Variants in XKR8 observed in about 807,000 individuals in gnomAD.
The protein encoded by XKR8 is XK related 8.
XKR8 carries 10 observed loss-of-function variants against 17.1 expected under a neutral mutation model. The observed-to-expected ratio is 0.59, with a 90% CI of 0.36 to 0.99. The LOEUF is 0.99. Among genes scored for constraint, XKR8 ranks in the 50% least tolerant of loss-of-function variants. The pLI, the probability that XKR8 is intolerant of heterozygous loss-of-function variation, is 0.01. For missense variants in XKR8, 411 were observed against 515.6 expected, an observed-to-expected ratio of 0.80 and a Z score of 1.96; for synonymous variants, 213 against 251.9, an observed-to-expected ratio of 0.85 and a Z score of 1.46.
At chr1:27,961,206 T>A (rs559984175) in intron 1 of XKR8, among the ~76,000 whole-genome samples, 1 of 152,332 alleles carries the variant, frequency 6.6e-6, no homozygotes, top group South Asian at 2.1e-4. Context: ...CAGCCAGGGC[T>A]GGGCATAGGC....
In XKR8 at chr1:27,966,449, G is replaced by T; in HGVS notation, c.491-54G>T. ...CCCCCACGGTACCTGTGACCGCTGG[G>T]GAGTGCCAAGCAGGCTGGCCCCAGG... On this transcript the variant is annotated intron_variant, in intron 2 of 2. Coordinates refer to ENST00000373884, the MANE Select transcript of XKR8 (RefSeq NM_018053.4). This position sits in a 1 kb window ranked among gnomAD's most constrained non-coding sequence, Gnocchi z 4.3. 1 of 1,545,664 alleles carries T rather than the reference G, an allele frequency of 6.5e-7. No individual in the cohort carries two copies. Among genetic ancestry groups the T allele is most frequent in the Non-Finnish European group, 8.8e-7 (1 of 1,136,704 alleles).
chr1:27,961,141 C>G (rs1322747060), intron 1 of XKR8, among the ~76,000 whole-genome samples: 1 of 152,242 alleles, frequency 6.6e-6, no homozygotes, highest in Non-Finnish European at 1.5e-5. Context: ...GGCTTCCCAC[C>G]CCAGACCCAG....
chr1:27,967,135 A>G lies in XKR8; in HGVS notation c.1123A>G (p.Thr375Ala). Reference sequence around the variant, plus strand: ...TCAGCTGCCTCAGAACAGGCGCATGACCCATTTAGCACAGAAGTTTTTCCC... The same window carrying G: ...TCAGCTGCCTCAGAACAGGCGCATGGCCCATTTAGCACAGAAGTTTTTCCC... ...GYQLPQNRRM[T>A]HLAQKFFPKA... Residue 375 changes from threonine to alanine, a missense_variant, in exon 3 of 3, where the codon ACC (threonine) becomes GCC (alanine). Physicochemically the swap from Thr to Ala is moderately conservative, Grantham distance 58. Transcript: ENST00000373884. The surrounding 1 kb of genome is among the most constrained non-coding windows in gnomAD (Gnocchi z 4.3). 6.2e-7 allele frequency: 1 copy of G among 1,605,922 alleles called. No homozygotes were observed.
chr1:27,961,566 A>C (rs1243023651), intron 1 of XKR8, among the ~76,000 whole-genome samples: 4 of 152,138 alleles, frequency 2.6e-5, no homozygotes, highest in Non-Finnish European at 4.4e-5. Flanking sequence ...TGAATCTGTA[A>C]CTACCTTATG....
intron 1 of XKR8, among the ~76,000 whole-genome samples, chr1:27,962,191 A>T (rs1638481067): frequency 6.6e-6 from 1 of 152,252 alleles, no homozygotes; most frequent in South Asian, 2.1e-4. Context: ...AGGCAACTTT[A>T]TAGCATGCCT....
In XKR8 at chr1:27,966,889, CTGAG is replaced by C. The variant is rs1557507537; in HGVS notation, c.881_884del (p.Ser294ThrfsTer10). 1 of 1,614,242 alleles carries C rather than the reference CTGAG, an allele frequency of 6.2e-7. No homozygotes were observed. The highest frequency in any genetic ancestry group is 2.2e-5 in the East Asian group (1 of 44,886). ...GGCCATCATCCACTTCGCCTTCCTCCTGAGTGACAGCATTCTCCTGGTGGCCACC... is the reference window on the plus strand; with the variant it reads ...GGCCATCATCCACTTCGCCTTCCTCCTGACAGCATTCTCCTGGTGGCCACC... On this transcript the variant is annotated frameshift_variant, in exon 3 of 3. Transcript: ENST00000373884. LOFTEE classifies it low-confidence loss of function (END_TRUNC). The surrounding 1 kb of genome is among the most constrained non-coding windows in gnomAD (Gnocchi z 4.3).
At position 27,960,489 on chromosome 1, in the gene XKR8, G is replaced by C. The variant is rs376811656; in HGVS notation, c.293+127G>C. On this transcript the variant is annotated intron_variant, in intron 1 of 2. Coordinates refer to ENST00000373884, the MANE Select transcript of XKR8 (RefSeq NM_018053.4). This position sits in a 1 kb window ranked among gnomAD's most constrained non-coding sequence, Gnocchi z 5.9. ...GGAGAGGGAACCAAGTCCTGTGGGC[G>C]CCTGGCCTACAGGTGAGCGTGCAGC... The C allele has an allele frequency of 8.1e-6, 8 of 982,060 alleles. No individual in the cohort carries two copies. The highest frequency in any genetic ancestry group is 1.7e-5 in the African/African-American group (1 of 58,186). 60.8% of individuals were successfully genotyped at this position (982,060 alleles called of 1,614,324 possible).
rs1340557840 is a variant in XKR8 at position 27,966,664 on chromosome 1, G to A, written c.652G>A (p.Val218Met). The change falls in exon 3 of 3, where the codon GTG (valine) becomes ATG (methionine). Residue 218 changes from valine to methionine, a missense_variant. Transcript: ENST00000373884. This position sits in a 1 kb window ranked among gnomAD's most constrained non-coding sequence, Gnocchi z 4.3. The part of the protein sequence containing the change: ...LLLLWPRVLA[V>M]ALFSALFPSY... ...GCTGCTGTGGCCCCGAGTCCTGGCT[G>A]TGGCCCTGTTCTCAGCCCTCTTCCC... 6.2e-7 allele frequency: 1 copy of A among 1,614,120 alleles called. No homozygotes were observed. Among genetic ancestry groups the A allele is most frequent in the South Asian group, 1.1e-5 (1 of 91,078 alleles).
Position 27,963,726 on chromosome 1 carries a change from G to A in XKR8, c.490+33G>A, listed in dbSNP as rs115780563. 1.8e-5 allele frequency: 27 copies of A among 1,479,652 alleles called. No individual in the cohort carries two copies. The East Asian group carries it at 2.5e-4, about 14-fold the overall frequency. The allele number at this position is 1,479,652 out of a possible 1,614,324, so 91.7% of individuals were successfully genotyped here. On this transcript the variant is annotated intron_variant, in intron 2 of 2. Transcript: ENST00000373884. ...AAGGCCTGTGGCTGGCCCCCCTGTC[G>A]TGGCTTGGTGGGGGGTCTCTCAAAT... is the stretch of plus-strand genomic sequence containing the variant.
chr1:27,965,717 A>G lies in XKR8; in HGVS notation c.491-786A>G, dbSNP rs1638554426. On this transcript the variant is annotated intron_variant, in intron 2 of 2. Coordinates refer to ENST00000373884, the MANE Select transcript of XKR8 (RefSeq NM_018053.4). This position sits in a 1 kb window ranked among gnomAD's most constrained non-coding sequence, Gnocchi z 4.1. Reference sequence around the variant, plus strand: ...GGCTAATGAGCACAGATCTGTTTCCAGGCTAGGAGTGGGTTCTGGGCGCCT... The same window carrying G: ...GGCTAATGAGCACAGATCTGTTTCCGGGCTAGGAGTGGGTTCTGGGCGCCT... Among the ~76,000 whole-genome samples, 2 of 152,188 alleles carry G rather than the reference A, an allele frequency of 1.3e-5. No individual in the cohort carries two copies. Among genetic ancestry groups the G allele is most frequent in the Admixed American group, 1.3e-4 (2 of 15,282 alleles).
intron 1 of XKR8, 80 bp from the exon 2 acceptor site, chr1:27,963,417 C>T: frequency 6.7e-7 from 1 of 1,499,676 alleles, no homozygotes; most frequent in Non-Finnish European, 9.0e-7. Context: ...GAGCCTGTGT[C>T]CACTCATTAG....
Position 27,960,155 on chromosome 1 carries a change from C to T in XKR8, c.86C>T (p.Thr29Ile), listed in dbSNP as rs201643190. ...GTAAFLLDLG[T>I]DLWAAVQYAL... is the part of the protein sequence containing the mutation. The stretch of plus-strand genomic sequence containing the variant: ...GCCGCCTTCCTGCTCGACCTGGGCA[C>T]CGACCTGTGGGCCGCCGTCCAGTAT... Residue 29 changes from threonine to isoleucine, a missense_variant, in exon 1 of 3, where the codon ACC becomes ATC. Thr to Ile is a moderately conservative substitution (Grantham distance 89). Transcript: ENST00000373884. The surrounding 1 kb of genome is among the most constrained non-coding windows in gnomAD (Gnocchi z 5.9). 4,743 of 1,528,012 alleles carry T rather than the reference C, an allele frequency of 3.1e-3. 16 individuals are homozygous for T. Among genetic ancestry groups the T allele is most frequent in the Non-Finnish European group, 3.9e-3 (4,443 of 1,144,466 alleles). The allele number at this position is 1,528,012 out of a possible 1,614,324, so 94.7% of individuals were successfully genotyped here.
chr1:27,966,359 C>A lies in XKR8; in HGVS notation c.491-144C>A. 1.3e-6 allele frequency: 1 copy of A among 746,038 alleles called. No individual in the cohort carries two copies. The highest frequency in any genetic ancestry group is 2.9e-5 in the Admixed American group (1 of 34,342). 46.2% of individuals were successfully genotyped at this position (746,038 alleles called of 1,614,324 possible). On this transcript the variant is annotated intron_variant, in intron 2 of 2. Transcript: ENST00000373884. This position sits in a 1 kb window ranked among gnomAD's most constrained non-coding sequence, Gnocchi z 4.3. ...GTTGTGGGAACTCACTGGGTCTTCT[C>A]TAGCTGCAGATTTGCCTTCAACAAA...
rs982462308 is a variant in XKR8 at position 27,966,132 on chromosome 1, G to T, written c.491-371G>T. 6.6e-5 allele frequency among the ~76,000 whole-genome samples: 10 copies of T among 152,162 alleles called. No homozygotes were observed. Among genetic ancestry groups the T allele is most frequent in the African/African-American group, 2.2e-4 (9 of 41,428 alleles). ...CTGTTGATTTTTAGACACAAGGAAG[G>T]CTTGTGTTCTTCCCAGAAAGAAAGG... On this transcript the variant is annotated intron_variant, in intron 2 of 2. Coordinates refer to ENST00000373884, the MANE Select transcript of XKR8 (RefSeq NM_018053.4). The surrounding 1 kb of genome is among the most constrained non-coding windows in gnomAD (Gnocchi z 4.3).
chr1:27,967,346 G>A lies in XKR8; in HGVS notation c.*146G>A. 1 of 919,064 alleles carries A rather than the reference G, an allele frequency of 1.1e-6. No homozygotes were observed. Among genetic ancestry groups the A allele is most frequent in the Non-Finnish European group, 1.6e-6 (1 of 635,824 alleles). The allele number at this position is 919,064 out of a possible 1,614,324, so 56.9% of individuals were successfully genotyped here. ...AGAGCGGGACGCCTGTGCTGGGCCG[G>A]GCACCAGGGATGGTGCTGAGTCGGG... On this transcript the variant is annotated 3_prime_UTR_variant, in exon 3 of 3. Transcript: ENST00000373884. This position sits in a 1 kb window ranked among gnomAD's most constrained non-coding sequence, Gnocchi z 4.3.
At chr1:27,963,031 TTTG>T (rs1348455467) in intron 1 of XKR8, among the ~76,000 whole-genome samples, 3 of 151,902 alleles carry the variant, frequency 2.0e-5, no homozygotes, top group African/African-American at 7.3e-5. Context: ...TTTTTGCTTT[TTTG>T]TTTTTTTTGA....
At chr1:27,963,169 G>A (rs1175191267) in intron 1 of XKR8, among the ~76,000 whole-genome samples, 27 of 152,036 alleles carry the variant, frequency 1.8e-4, no homozygotes, top group Non-Finnish European at 8.8e-5. Flanking sequence ...GACTACAGGC[G>A]CGCACCACCA....
Position 27,965,476 on chromosome 1 carries a change from G to GGTGGT in XKR8, c.491-1026_491-1025insTGGTG, listed in dbSNP as rs1317698793. On this transcript the variant is annotated intron_variant, in intron 2 of 2. Transcript: ENST00000373884. This position sits in a 1 kb window ranked among gnomAD's most constrained non-coding sequence, Gnocchi z 4.1. ...AGACAGAGGTGGGTGGCATGTTACA[G>GGTGGT]GGATACCTGACACAGCTGAGTGGGT... 2.0e-5 allele frequency among the ~76,000 whole-genome samples: 3 copies of GGTGGT among 152,258 alleles called. No homozygotes were observed. Among genetic ancestry groups the GGTGGT allele is most frequent in the East Asian group, 3.9e-4 (2 of 5,178 alleles).
chr1:27,963,731 T>A, intron 2 of XKR8, 38 bp downstream of exon 2: 2 of 1,476,008 alleles, frequency 1.4e-6, no homozygotes, highest in Non-Finnish European at 1.8e-6. Context: ...CTGTCGTGGC[T>A]TGGTGGGGGG....
Sources: allele counts gnomAD v4.1 joint callset (sites outside exome capture counted in the v4.1 genomes callset), GRCh38; gene constraint gnomAD v4.1.1; non-coding constraint Gnocchi (gnomAD v3.1); transcripts MANE v1.5; gene names NCBI Gene and HGNC (gene_info 2026-07-23, HGNC 2026-07-21).